HAUS1: variants seen among roughly 807,000 people sequenced by gnomAD.
HAUS1 encodes HAUS augmin like complex subunit 1, also known as HAUS augmin-like complex subunit 1.
A neutral mutation model predicts 38.6 loss-of-function variants in HAUS1; 25 were observed. The ratio of observed to expected loss-of-function variants is 0.65; its 90% CI spans 0.47 to 0.91. The LOEUF (loss-of-function observed/expected upper bound fraction) is 0.91, where lower values mean the gene tolerates loss of function less well. Among genes scored for constraint, HAUS1 ranks in the 40% least tolerant of loss-of-function variants. The probability of loss-of-function intolerance (pLI) is 0.00; values close to 1 mark genes in which losing one functional copy is unlikely to be tolerated. For synonymous variants in HAUS1, 109 were observed against 112.9 expected (o/e 0.97, Z 0.22); for missense variants, 325 against 328.4 (o/e 0.99, Z 0.08).
At chr18:46,117,873 G>A (rs375733937) in intron 2 of HAUS1, among the ~76,000 whole-genome samples, 7 of 152,004 alleles carry the variant, frequency 4.6e-5, no homozygotes, top group Non-Finnish European at 8.8e-5. Context: ...TGGAACCCGG[G>A]GGGTGGAGGT....
chr18:46,112,347 TATATATA>T (rs1911664078), intron 2 of HAUS1, among the ~76,000 whole-genome samples: 1 of 99,638 alleles, frequency 1.0e-5, no homozygotes, highest in African/African-American at 5.5e-5. Flanking sequence ...TATTCCATAT[TATATATA>T]ATATATATAA....
chr18:46,112,901 T>TAC (rs1491235993), intron 2 of HAUS1, among the ~76,000 whole-genome samples: 3 of 97,604 alleles, frequency 3.1e-5, no homozygotes, highest in African/African-American at 1.4e-4. Context: ...TATTCCATAT[T>TAC]ATATATATAA....
chr18:46,119,225 T>A (rs1008557750), intron 3 of HAUS1, among the ~76,000 whole-genome samples: 2 of 152,170 alleles, frequency 1.3e-5, no homozygotes, highest in Non-Finnish European at 2.9e-5. Flanking sequence ...GCAGAACAGC[T>A]TACCTGTCAA....
At chr18:46,122,148 A>T (rs904396877) in intron 4 of HAUS1, among the ~76,000 whole-genome samples, 2 of 152,076 alleles carry the variant, frequency 1.3e-5, no homozygotes, top group Non-Finnish European at 2.9e-5. Context: ...GGCCATCTAC[A>T]AAAGATTTAA....
At chr18:46,116,122 G>A (rs1342738404) in intron 2 of HAUS1, among the ~76,000 whole-genome samples, 3 of 151,854 alleles carry the variant, frequency 2.0e-5, no homozygotes, top group African/African-American at 4.8e-5. Context: ...GGAAGGGAAG[G>A]GGAGGGGAGG....
chr18:46,122,188 G>C lies in HAUS1; in HGVS notation c.477-279G>C, dbSNP rs534159965. Reference sequence around the variant, plus strand: ...TAGCCAGGCATAGTGGCATGTGTCTGTAGCCCTGGCTATTTGGGAGGCTGA... The same window carrying C: ...TAGCCAGGCATAGTGGCATGTGTCTCTAGCCCTGGCTATTTGGGAGGCTGA... On this transcript the variant is annotated intron_variant, in intron 4 of 8. Coordinates refer to ENST00000282058, the MANE Select transcript of HAUS1 (RefSeq NM_138443.4). Among the ~76,000 whole-genome samples the C allele has an allele frequency of 2.4e-3, 363 of 152,090 alleles. 3 individuals carry two copies. The highest frequency in any genetic ancestry group is 2.4e-3 in the Non-Finnish European group (166 of 67,986).
At chr18:46,110,333 GTTTTTTTTTTTTTT>G (rs71160713) in intron 2 of HAUS1, among the ~76,000 whole-genome samples, 3 of 50,014 alleles carry the variant, frequency 6.0e-5, no homozygotes, top group East Asian at 7.0e-4. Context: ...TTTTTTTAAG[GTTTTTTTTTTTTTT>G]TTTTTTTTTT....
chr18:46,112,964 A>T (rs1911694927), intron 2 of HAUS1, among the ~76,000 whole-genome samples: 1 of 102,406 alleles, frequency 9.8e-6, no homozygotes, highest in South Asian at 2.6e-4. Context: ...TATAATATGT[A>T]TATATTCCAT....
chr18:46,107,835 G>A (rs574077579), intron 2 of HAUS1, among the ~76,000 whole-genome samples: 1 of 152,264 alleles, frequency 6.6e-6, no homozygotes, highest in East Asian at 1.9e-4. Flanking sequence ...AATTGGGAAA[G>A]GACATAAAAC....
rs1255834676 is a variant in HAUS1, at chr18:46,122,478, A to T, written c.488A>T (p.Lys163Ile). Residue 163 changes from lysine to isoleucine, a missense_variant, in exon 5 of 9, where the codon AAA (lysine) becomes ATA (isoleucine). Transcript: ENST00000282058. Reference protein sequence around the residue: ...LEKCLQEDVKKAELHLSTERA... With the variant: ...LEKCLQEDVKIAELHLSTERA... The stretch of plus-strand genomic sequence containing the variant: ...TTTGCTTTTTAAAGGGATGTCAAGA[A>T]AGCAGAGTTGCATCTGTCTACAGAA... The T allele has an allele frequency of 1.2e-6, 2 of 1,613,632 alleles. No homozygotes were observed. Among genetic ancestry groups the T allele is most frequent in the South Asian group, 1.1e-5 (1 of 91,054 alleles).
At chr18:46,111,267 G>C (rs1911627153) in intron 2 of HAUS1, among the ~76,000 whole-genome samples, 2 of 152,058 alleles carry the variant, frequency 1.3e-5, no homozygotes. Context: ...TCCTGAATGT[G>C]TATATTATTG....
Position 46,120,021 on chromosome 18 carries a change from A to T in HAUS1, c.437A>T (p.Asn146Ile), listed in dbSNP as rs1195269455. 6.2e-7 allele frequency: 1 copy of T among 1,607,470 alleles called. No homozygotes were observed. Among genetic ancestry groups the T allele is most frequent in the South Asian group, 1.1e-5 (1 of 89,914 alleles). Residue 146 changes from asparagine to isoleucine, a missense_variant, in exon 4 of 9, where the codon AAT becomes ATT. Asn to Ile is a moderately radical substitution (Grantham distance 149). Transcript: ENST00000282058. ...ATTGAACTGGAAAAACTTGAAAAAA[A>T]TTTAACTGCAACTTTAGTATTAGAA... ...IKIELEKLEK[N>I]LTATLVLEKC...
At chr18:46,116,820 C>G (rs888432129) in intron 2 of HAUS1, among the ~76,000 whole-genome samples, 1 of 152,018 alleles carries the variant, frequency 6.6e-6, no homozygotes, top group Non-Finnish European at 1.5e-5. Flanking sequence ...CAAGACCAGC[C>G]TGGGCAACAT....
intron 2 of HAUS1, among the ~76,000 whole-genome samples, chr18:46,111,122 C>G (rs991257465): frequency 3.3e-5 from 5 of 152,026 alleles, no homozygotes; most frequent in Admixed American, 6.6e-5. Context: ...TCCACCTCGG[C>G]CTCTCAAAAT....
At chr18:46,122,618 G>C in intron 5 of HAUS1, 28 bp downstream of exon 5, 1 of 1,612,316 alleles carries the variant, frequency 6.2e-7, no homozygotes, top group Non-Finnish European at 8.5e-7. Context: ...AATATAGTTA[G>C]CTCTCTTCGG....
Position 46,121,642 on chromosome 18 carries a change from C to A in HAUS1, c.477-825C>A, listed in dbSNP as rs114103785. The A allele has an allele frequency of 3.2e-3, 485 of 152,102 alleles. 3 individuals are homozygous for A. The highest frequency in any genetic ancestry group is 0.011 in the African/African-American group (464 of 41,514). 9.4% of individuals were successfully genotyped at this position (152,102 alleles called of 1,614,324 possible). ...AAATGTGGAACACTTCACAAATTTA[C>A]CCATCTTCCTTGAGTAGAGGCCACT... On this transcript the variant is annotated intron_variant, in intron 4 of 8. Transcript: ENST00000282058.
chr18:46,118,713 A>G (rs1241034620), intron 3 of HAUS1, among the ~76,000 whole-genome samples: 1 of 152,198 alleles, frequency 6.6e-6, no homozygotes, highest in Non-Finnish European at 1.5e-5. Flanking sequence ...ATATAATAAC[A>G]TGATTCTTCC....
intron 3 of HAUS1, chr18:46,118,562 G>T (rs1232478036): frequency 6.9e-6 from 3 of 433,524 alleles, no homozygotes; most frequent in Non-Finnish European, 1.2e-5. Context: ...TTGGAAAGGG[G>T]TTAGTATCAC....
chr18:46,124,761 A>G, intron 6 of HAUS1, 61 bp from the exon 7 acceptor site: 1 of 816,344 alleles, frequency 1.2e-6, no homozygotes, highest in Non-Finnish European at 2.0e-6. Flanking sequence ...TCAGAAATGG[A>G]CAGTATTAGT....
Sources: allele counts gnomAD v4.1 joint callset (sites outside exome capture counted in the v4.1 genomes callset), GRCh38; gene constraint gnomAD v4.1.1; transcripts MANE v1.5; gene names NCBI Gene and HGNC (gene_info 2026-07-23, HGNC 2026-07-21).